ITPK1: variants seen among roughly 807,000 people sequenced by gnomAD.
The protein encoded by ITPK1 is inositol 1,3,4-trisphosphate 5/6-kinase.
ITPK1 carries 21 observed loss-of-function variants against 45.3 expected under a neutral mutation model. The ratio of observed to expected loss-of-function variants is 0.46; its 90% CI spans 0.33 to 0.67. The LOEUF (loss-of-function observed/expected upper bound fraction) is 0.67, where lower values mean the gene tolerates loss of function less well. ITPK1 is among the 30% of genes least tolerant of loss of function. The pLI is 0.02. For synonymous variants in ITPK1, 258 were observed against 253.6 expected (o/e 1.02, Z -0.16); for missense variants, 474 against 573.5 (o/e 0.83, Z 1.77).
chr14:92,984,257 A>G (rs1188047522), intron 5 of ITPK1, among the ~76,000 whole-genome samples: 3 of 152,230 alleles, frequency 2.0e-5, no homozygotes, highest in Non-Finnish European at 4.4e-5. Context: ...AGACCTGTGC[A>G]GGGCCGGAAG....
At chr14:93,081,895 G>C (rs1302173041) in intron 2 of ITPK1, among the ~76,000 whole-genome samples, 1 of 152,226 alleles carries the variant, frequency 6.6e-6, no homozygotes, top group East Asian at 1.9e-4. Context: ...AAATGCCAGG[G>C]CAGATAACCT....
intron 3 of ITPK1, among the ~76,000 whole-genome samples, chr14:93,059,286 A>G (rs945634978): frequency 2.1e-3 from 32 of 14,976 alleles, no homozygotes; most frequent in Non-Finnish European, 2.5e-3. Context: ...GGGTGGAGGG[A>G]GTATGGGTGA....
chr14:93,074,351 C>T (rs780533374), intron 3 of ITPK1, among the ~76,000 whole-genome samples: 6 of 152,226 alleles, frequency 3.9e-5, no homozygotes, highest in Non-Finnish European at 8.8e-5. Flanking sequence ...GTCTCCTGTT[C>T]CTCCCACAGA....
intron 2 of ITPK1, among the ~76,000 whole-genome samples, chr14:93,103,092 T>C (rs1595219121): frequency 3.4e-5 from 3 of 88,242 alleles, no homozygotes; most frequent in South Asian, 3.8e-4. Flanking sequence ...AAAGCAAGAC[T>C]CCATCTCAAA....
At chr14:93,078,324 G>A (rs906195376) in intron 2 of ITPK1, among the ~76,000 whole-genome samples, 1 of 152,162 alleles carries the variant, frequency 6.6e-6, no homozygotes, top group Non-Finnish European at 1.5e-5. Context: ...TTCAGTGAGG[G>A]CTTCCTCAAC....
At chr14:93,077,097 C>G (rs1158855743) in intron 2 of ITPK1, among the ~76,000 whole-genome samples, 1 of 152,208 alleles carries the variant, frequency 6.6e-6, no homozygotes, top group Non-Finnish European at 1.5e-5. Context: ...CCACACAGTC[C>G]TGCCCGCTGC....
chr14:93,092,149 C>A lies in ITPK1; in HGVS notation c.96-15530G>T, dbSNP rs141796485. Among the ~76,000 whole-genome samples, 181 of 152,320 alleles carry A rather than the reference C, an allele frequency of 1.2e-3. 1 individual carries two copies. In the East Asian group the frequency reaches 0.013, roughly 11 times the overall value. On this transcript the variant is annotated intron_variant, in intron 2 of 10. Coordinates refer to ENST00000267615, the MANE Select transcript of ITPK1 (RefSeq NM_014216.6). ...CAGAGAAGTCAAGGGGAGATTAACA[C>A]ACTGTCACCAGGCACCCACGCTAAG... is the stretch of plus-strand genomic sequence containing the variant.
chr14:92,971,263 T>C (rs1885639484), intron 5 of ITPK1, among the ~76,000 whole-genome samples: 1 of 152,206 alleles, frequency 6.6e-6, no homozygotes, highest in Non-Finnish European at 1.5e-5. Flanking sequence ...CCATCTTATA[T>C]CAGCCGTATG....
intron 10 of ITPK1, among the ~76,000 whole-genome samples, chr14:92,944,625 C>T (rs1231696011): frequency 6.6e-6 from 1 of 152,350 alleles, no homozygotes; most frequent in Non-Finnish European, 1.5e-5. Context: ...CCTGTGCCCC[C>T]CTGGCCCTCC....
rs1889334348 is a variant in ITPK1, at chr14:93,036,645, G to C, written c.121-19844C>G. 6.6e-6 allele frequency among the ~76,000 whole-genome samples: 1 copy of C among 152,036 alleles called. No individual in the cohort carries two copies. The highest frequency in any genetic ancestry group is 2.1e-4 in the South Asian group (1 of 4,814). On this transcript the variant is annotated intron_variant, in intron 3 of 10. Coordinates refer to ENST00000267615, the MANE Select transcript of ITPK1 (RefSeq NM_014216.6). This position sits in a 1 kb window ranked among gnomAD's most constrained non-coding sequence, Gnocchi z 4.1. The stretch of plus-strand genomic sequence containing the variant: ...AGGCTCAGCACCCCAGGGGCCGGGT[G>C]AGGGCTCTCCCCCAGGAACACTGCC...
At position 93,032,234 on chromosome 14, in the gene ITPK1, C is replaced by T. The variant is rs2139892114; in HGVS notation, c.121-15433G>A. Among the ~76,000 whole-genome samples, 1 of 152,238 alleles carries T rather than the reference C, an allele frequency of 6.6e-6. No homozygotes were observed. The highest frequency in any genetic ancestry group is 1.9e-4 in the East Asian group (1 of 5,184). On this transcript the variant is annotated intron_variant, in intron 3 of 10. Transcript: ENST00000267615. The surrounding 1 kb of genome is among the most constrained non-coding windows in gnomAD (Gnocchi z 4.0). ...GCATGGTGGTGCATGCCTGCAATCC[C>T]AGCTACTCGGAAGGCTGAGGCAGGA...
intron 5 of ITPK1, among the ~76,000 whole-genome samples, chr14:92,973,640 T>C (rs1885776407): frequency 6.6e-6 from 1 of 152,230 alleles, no homozygotes; most frequent in African/African-American, 2.4e-5. Flanking sequence ...AGTTCCAGCC[T>C]GACAGCAGCT....
chr14:93,052,549 A>G (rs1184872913), intron 3 of ITPK1, among the ~76,000 whole-genome samples: 1 of 152,146 alleles, frequency 6.6e-6, no homozygotes, highest in Non-Finnish European at 1.5e-5. Flanking sequence ...TCCTTCTGTG[A>G]GGGCCAAAGG....
At chr14:93,093,985 T>C (rs1008161040) in intron 2 of ITPK1, among the ~76,000 whole-genome samples, 1 of 152,240 alleles carries the variant, frequency 6.6e-6, no homozygotes, top group Admixed American at 6.5e-5. Flanking sequence ...AAGCTCCAGG[T>C]GGACTAAACT....
At chr14:93,115,568 CCCCGCCCTG>C (rs1341516139) in intron 1 of ITPK1, among the ~76,000 whole-genome samples, 195 bp downstream of exon 1, 11 of 149,652 alleles carry the variant, frequency 7.4e-5, no homozygotes, top group Admixed American at 1.3e-4. Flanking sequence ...CAGACACCGC[CCCCGCCCTG>C]CCCGCCCTCC....
intron 2 of ITPK1, among the ~76,000 whole-genome samples, chr14:93,096,278 GA>G (rs1321595912): frequency 2.0e-5 from 3 of 152,182 alleles, no homozygotes; most frequent in African/African-American, 4.8e-5. Context: ...CTCTCCTTGG[GA>G]AAGGTCTTCT....
intron 2 of ITPK1, among the ~76,000 whole-genome samples, chr14:93,082,468 T>C (rs1485438865): frequency 6.6e-6 from 1 of 152,154 alleles, no homozygotes; most frequent in Non-Finnish European, 1.5e-5. Flanking sequence ...GCCTCTGTTT[T>C]CTTATCTGTA....
At chr14:93,093,636 T>C (rs1252177142) in intron 2 of ITPK1, among the ~76,000 whole-genome samples, 1 of 152,212 alleles carries the variant, frequency 6.6e-6, no homozygotes, top group African/African-American at 2.4e-5. Flanking sequence ...ACAGAGGGCG[T>C]GGCGATGCTG....
chr14:93,041,363 T>TG (rs1889554878), intron 3 of ITPK1, among the ~76,000 whole-genome samples: 1 of 152,212 alleles, frequency 6.6e-6, no homozygotes, highest in African/African-American at 2.4e-5. Flanking sequence ...CAGTATTGCC[T>TG]GGGCATCCTT....
Sources: allele counts gnomAD v4.1 joint callset (sites outside exome capture counted in the v4.1 genomes callset), GRCh38; gene constraint gnomAD v4.1.1; non-coding constraint Gnocchi (gnomAD v3.1); transcripts MANE v1.5; gene names NCBI Gene and HGNC (gene_info 2026-07-23, HGNC 2026-07-21).